STRADB: variants seen among roughly 807,000 people sequenced by gnomAD.
STRADB encodes the protein STE20 related adaptor beta.
STRADB carries 34 observed loss-of-function variants against 52.1 expected under a neutral mutation model. The observed-to-expected ratio is 0.65, with a 90% confidence interval of 0.50 to 0.87. The LOEUF is 0.87. STRADB is among the 40% of genes least tolerant of loss of function. The pLI is 0.00. For synonymous variants in STRADB, 133 were observed against 174.5 expected (o/e 0.76, Z 1.87); for missense variants, 340 against 483.9 (o/e 0.70, Z 2.79).
chr2:201,480,250 C>T lies in STRADB; in HGVS notation c.*75C>T. 1.3e-6 allele frequency: 2 copies of T among 1,584,706 alleles called. No individual in the cohort carries two copies. The highest frequency in any genetic ancestry group is 1.7e-6 in the Non-Finnish European group (2 of 1,166,210). On this transcript the variant is annotated 3_prime_UTR_variant, in exon 12 of 12. Transcript: ENST00000194530. ...GCTTTTTCTTCTGTATTTCTAGGTACAAATACCAGAATTATACTTGAAAAT... is the reference window on the plus strand; with the variant it reads ...GCTTTTTCTTCTGTATTTCTAGGTATAAATACCAGAATTATACTTGAAAAT...
chr2:201,471,566 C>CT (rs1248084216), intron 4 of STRADB, among the ~76,000 whole-genome samples: 2 of 152,176 alleles, frequency 1.3e-5, no homozygotes, highest in Admixed American at 1.3e-4. Flanking sequence ...TACCGAGGCT[C>CT]TGAGTCATAC....
Position 201,460,909 on chromosome 2 carries a change from G to GTT in STRADB, c.93+2061_93+2062dup, listed in dbSNP as rs57250433. 6.9e-3 allele frequency: 953 copies of GTT among 138,422 alleles called. 9 individuals are homozygous for GTT. Among genetic ancestry groups the GTT allele is most frequent in the South Asian group, 9.7e-3 (44 of 4,514 alleles). 8.6% of individuals were successfully genotyped at this position (138,422 alleles called of 1,614,324 possible). On this transcript the variant is annotated intron_variant, in intron 3 of 11. Transcript: ENST00000194530. ...AGTGGGATCGCTGGATCATATGGTAGTTTTTTTTTTTTTTTTTAGTTTTTT... is the reference window on the plus strand; with the variant it reads ...AGTGGGATCGCTGGATCATATGGTAGTTTTTTTTTTTTTTTTTTTAGTTTTTT...
chr2:201,478,548 T>C lies in STRADB; in HGVS notation c.1017T>C (p.Ser339=), dbSNP rs1309332134. Residue 339 remains serine (S), a synonymous_variant, in exon 10 of 12, where the codon TCT becomes TCC. Coordinates refer to ENST00000194530, the MANE Select transcript of STRADB (RefSeq NM_018571.6). ...RLHTPSSKTF[S]PAFFSLVQLC... is the part of the protein sequence containing the mutation. ...ACACACCATCCTCAAAAACTTTCTC[T>C]CCTGCCTTCTTTAGCTTGGTACAGC... The C allele has an allele frequency of 6.2e-7, 1 of 1,613,982 alleles. No homozygotes were observed. The highest frequency in any genetic ancestry group is 1.1e-5 in the South Asian group (1 of 91,084).
chr2:201,460,722 T>C, intron 3 of STRADB: 1 of 237,856 alleles, frequency 4.2e-6, no homozygotes, highest in South Asian at 4.6e-5. Context: ...TAAATAGTAT[T>C]CCATTGTACA....
intron 3 of STRADB, among the ~76,000 whole-genome samples, chr2:201,466,607 C>T (rs1208064213): frequency 6.6e-6 from 1 of 152,138 alleles, no homozygotes; most frequent in Non-Finnish European, 1.5e-5. Context: ...GTTAAAATAT[C>T]ATGTTTGGAG....
intron 3 of STRADB, among the ~76,000 whole-genome samples, chr2:201,459,940 C>T (rs1278085657): frequency 6.6e-6 from 1 of 152,116 alleles, no homozygotes; most frequent in African/African-American, 2.4e-5. Context: ...TCCACTTACA[C>T]TTTTTATTTG....
intron 3 of STRADB, among the ~76,000 whole-genome samples, chr2:201,465,781 C>T (rs1243012954): frequency 6.6e-6 from 1 of 152,204 alleles, no homozygotes; most frequent in Non-Finnish European, 1.5e-5. Context: ...ATTCAGGTTC[C>T]AGCTGCTGGG....
At chr2:201,478,641 T>C (rs755476193) in intron 10 of STRADB, 40 bp downstream of exon 10, 8 of 1,586,586 alleles carry the variant, frequency 5.0e-6, no homozygotes, top group Non-Finnish European at 6.9e-6. Context: ...AATGTACATG[T>C]TTTACATTTT....
At chr2:201,453,258 A>G (rs1219693882) in intron 1 of STRADB, among the ~76,000 whole-genome samples, 1 of 152,224 alleles carries the variant, frequency 6.6e-6, no homozygotes. Context: ...GGAGTTTCAC[A>G]TTATTAAGAC....
chr2:201,463,331 C>CAAAAAAA (rs574453771), intron 3 of STRADB, among the ~76,000 whole-genome samples: 1 of 113,154 alleles, frequency 8.8e-6, no homozygotes, highest in Non-Finnish European at 1.8e-5. Context: ...GAGACTGTCT[C>CAAAAAAA]AAAAAAAAAA....
Position 201,451,794 on chromosome 2 carries a change from C to T in STRADB, c.-240C>T, listed in dbSNP as rs918489674. Reference sequence around the variant, plus strand: ...AGAGTTCCAAGCCCACGGCCCCGGTCGCGGCCTCGCCGCCCTCCCGCGCCC... The same window carrying T: ...AGAGTTCCAAGCCCACGGCCCCGGTTGCGGCCTCGCCGCCCTCCCGCGCCC... On this transcript the variant is annotated 5_prime_UTR_variant, in exon 1 of 12. Transcript: ENST00000194530. The T allele has an allele frequency of 6.6e-6, 1 of 152,060 alleles. No individual in the cohort carries two copies. The highest frequency in any genetic ancestry group is 2.4e-5 in the African/African-American group (1 of 41,400). 9.4% of individuals were successfully genotyped at this position (152,060 alleles called of 1,614,324 possible).
At chr2:201,477,401 C>T (rs1274261444) in intron 7 of STRADB, among the ~76,000 whole-genome samples, 2 of 152,118 alleles carry the variant, frequency 1.3e-5, no homozygotes, top group African/African-American at 2.4e-5. Flanking sequence ...TATATCTTTA[C>T]TTGTGTTGGT....
intron 1 of STRADB, among the ~76,000 whole-genome samples, chr2:201,452,529 C>T (rs1952062658): frequency 2.0e-5 from 3 of 152,216 alleles, no homozygotes; most frequent in Non-Finnish European, 4.4e-5. Flanking sequence ...CTGCTTAGCA[C>T]GGTGCCTGGC....
chr2:201,467,413 C>T (rs1351048166), intron 3 of STRADB, among the ~76,000 whole-genome samples: 1 of 152,116 alleles, frequency 6.6e-6, no homozygotes, highest in Admixed American at 6.5e-5. Flanking sequence ...CAATGGTGGT[C>T]GTCCAACCTC....
intron 2 of STRADB, among the ~76,000 whole-genome samples, 194 bp downstream of exon 2, chr2:201,455,046 C>T (rs549360832): frequency 1.2e-4 from 18 of 152,268 alleles, no homozygotes; most frequent in Non-Finnish European, 2.5e-4. Flanking sequence ...AAGAACTTCT[C>T]GTATACTTCA....
chr2:201,478,658 GC>G, intron 10 of STRADB, 57 bp downstream of exon 10: 1 of 1,558,110 alleles, frequency 6.4e-7, no homozygotes, highest in Non-Finnish European at 8.7e-7. Flanking sequence ...TTTTATAGAA[GC>G]TTTGTAACAT....
At chr2:201,457,066 CACAA>C (rs1388470131) in intron 2 of STRADB, among the ~76,000 whole-genome samples, 2 of 152,288 alleles carry the variant, frequency 1.3e-5, no homozygotes, top group African/African-American at 4.8e-5. Flanking sequence ...GTATTATTTG[CACAA>C]ACAGTTTAGA....
At chr2:201,472,365 G>A (rs1952403212) in intron 4 of STRADB, among the ~76,000 whole-genome samples, 1 of 152,166 alleles carries the variant, frequency 6.6e-6, no homozygotes, top group Non-Finnish European at 1.5e-5. Context: ...GCCACCATCA[G>A]CATTATAAAT....
In STRADB at chr2:201,480,628, G is replaced by A; in HGVS notation, c.*453G>A. The A allele has an allele frequency of 1.0e-6, 1 of 988,804 alleles. No individual in the cohort carries two copies. The highest frequency in any genetic ancestry group is 1.2e-6 in the Non-Finnish European group (1 of 831,806). 61.3% of individuals were successfully genotyped at this position (988,804 alleles called of 1,614,324 possible). On this transcript the variant is annotated 3_prime_UTR_variant, in exon 12 of 12. Coordinates refer to ENST00000194530, the MANE Select transcript of STRADB (RefSeq NM_018571.6). ...TTACATCAGACCCTTTTCTGGTAGA[G>A]GGAAAATGTTTGTGCTTTCCCTTTT...
Sources: allele counts gnomAD v4.1 joint callset (sites outside exome capture counted in the v4.1 genomes callset), GRCh38; gene constraint gnomAD v4.1.1; transcripts MANE v1.5; gene names NCBI Gene and HGNC (gene_info 2026-07-23, HGNC 2026-07-21).